Variants in GREB1L observed in about 807,000 individuals in gnomAD.
GREB1L encodes GREB1 like retinoic acid receptor coactivator.
A neutral mutation model predicts 200.8 loss-of-function variants in GREB1L; 17 were observed. The observed-to-expected ratio is 0.08, with a 90% CI of 0.06 to 0.13. The LOEUF (loss-of-function observed/expected upper bound fraction) is 0.13. Among genes scored for constraint, GREB1L ranks in the 10% least tolerant of loss-of-function variants. The probability of loss-of-function intolerance (pLI) is 1.00; values close to 1 mark genes in which losing one functional copy is unlikely to be tolerated. For synonymous variants in GREB1L, 789 were observed against 893.0 expected, an observed-to-expected ratio of 0.88 and a Z score of 2.08; for missense variants, 1,657 against 2,367.7, an observed-to-expected ratio of 0.70 and a Z score of 6.23.
At chr18:21,420,950 C>T (rs1280918750) in intron 7 of GREB1L, among the ~76,000 whole-genome samples, 1 of 151,938 alleles carries the variant, frequency 6.6e-6, no homozygotes. Flanking sequence ...TTCTTGATAC[C>T]CATGACAATG....
chr18:21,445,540 A>T (rs7235880), intron 11 of GREB1L, among the ~76,000 whole-genome samples: 49,582 of 152,152 alleles, frequency 0.33, 11,146 homozygotes, highest in African/African-American at 0.6. Context: ...TAAAAATATT[A>T]GTATGCACTC....
chr18:21,344,848 A>T (rs1435453126), intron 1 of GREB1L, among the ~76,000 whole-genome samples: 2 of 152,218 alleles, frequency 1.3e-5, no homozygotes, highest in African/African-American at 4.8e-5. Flanking sequence ...TGAGTTGGTG[A>T]TCGCTACTGG....
rs528233620 is a variant in GREB1L, at chr18:21,246,831, A to G, written c.-120+4438A>G. ...GAGCTGATTTGTGGTTAGTATTGTG[A>G]TCACAGTTTGCTGGAATTTTACTAG... On this transcript the variant is annotated intron_variant, in intron 1 of 32. Coordinates refer to ENST00000424526, the MANE Select transcript of GREB1L (RefSeq NM_001142966.3). 2.0e-5 allele frequency among the ~76,000 whole-genome samples: 3 copies of G among 152,304 alleles called. No individual in the cohort carries two copies. The South Asian group carries it at 6.2e-4, about 32-fold the overall frequency.
intron 1 of GREB1L, among the ~76,000 whole-genome samples, chr18:21,246,503 T>C (rs1327665225): frequency 6.6e-6 from 1 of 152,210 alleles, no homozygotes; most frequent in African/African-American, 2.4e-5. Flanking sequence ...TTTAGTCTTA[T>C]ACAAAGTGAG....
At chr18:21,477,047 C>A in intron 16 of GREB1L, 117 bp from the exon 17 acceptor site, 1 of 641,870 alleles carries the variant, frequency 1.6e-6, no homozygotes, top group Non-Finnish European at 2.5e-6. Flanking sequence ...TTCTTCTCTG[C>A]TCCCAATTGA....
chr18:21,262,688 T>C (rs1018883797), intron 1 of GREB1L, among the ~76,000 whole-genome samples: 1 of 152,192 alleles, frequency 6.6e-6, no homozygotes, highest in African/African-American at 2.4e-5. Context: ...GTCATTGTAA[T>C]TGTACAAAGT....
intron 1 of GREB1L, among the ~76,000 whole-genome samples, chr18:21,348,795 A>G (rs1471915102): frequency 6.6e-6 from 1 of 152,120 alleles, no homozygotes; most frequent in East Asian, 1.9e-4. Flanking sequence ...AAAATTAAAA[A>G]TCAGCCAGCC....
At chr18:21,407,751 T>C (rs1188551197) in intron 7 of GREB1L, among the ~76,000 whole-genome samples, 2 of 152,214 alleles carry the variant, frequency 1.3e-5, no homozygotes, top group African/African-American at 4.8e-5. Context: ...AAAGAAAATA[T>C]GGTATATATA....
intron 1 of GREB1L, among the ~76,000 whole-genome samples, chr18:21,290,269 A>G (rs543946242): frequency 1.3e-5 from 2 of 152,336 alleles, no homozygotes; most frequent in Non-Finnish European, 1.5e-5. Flanking sequence ...TGGTAGTACC[A>G]TATTCCTTTT....
At chr18:21,425,463 TGA>T (rs1467120993) in intron 7 of GREB1L, among the ~76,000 whole-genome samples, 3 of 152,248 alleles carry the variant, frequency 2.0e-5, no homozygotes, top group Non-Finnish European at 4.4e-5. Flanking sequence ...TAAAATCATT[TGA>T]GAACTGTTTT....
intron 2 of GREB1L, among the ~76,000 whole-genome samples, chr18:21,373,608 CCAGGCCGT>C (rs1278106503): frequency 6.6e-6 from 1 of 152,054 alleles, no homozygotes; most frequent in African/African-American, 2.4e-5. Flanking sequence ...TGCTGGGATT[CCAGGCCGT>C]GAGCCACTGT....
At chr18:21,342,642 C>T (rs541377907) in intron 1 of GREB1L, among the ~76,000 whole-genome samples, 1 of 152,192 alleles carries the variant, frequency 6.6e-6, no homozygotes, top group Non-Finnish European at 1.5e-5. Flanking sequence ...GTGATTTGTT[C>T]TCCTAGGCTC....
At chr18:21,320,118 C>T (rs2038929368) in intron 1 of GREB1L, among the ~76,000 whole-genome samples, 1 of 152,176 alleles carries the variant, frequency 6.6e-6, no homozygotes, top group Non-Finnish European at 1.5e-5. Context: ...CTCAGTTCTA[C>T]ATGAATCTGC....
intron 1 of GREB1L, among the ~76,000 whole-genome samples, chr18:21,279,222 G>C (rs1218264537): frequency 6.6e-6 from 1 of 151,730 alleles, no homozygotes; most frequent in Non-Finnish European, 1.5e-5. Context: ...TTGCAGAAAC[G>C]TTTATTTTCA....
intron 2 of GREB1L, among the ~76,000 whole-genome samples, chr18:21,378,467 G>A (rs1319716873): frequency 2.6e-5 from 4 of 151,754 alleles, no homozygotes; most frequent in African/African-American, 9.7e-5. Flanking sequence ...GGCTCACTGC[G>A]ACCTCAGGAG....
At chr18:21,453,273 A>C (rs1218181901) in intron 14 of GREB1L, among the ~76,000 whole-genome samples, 19 of 152,182 alleles carry the variant, frequency 1.2e-4, no homozygotes, top group Non-Finnish European at 2.4e-4. Context: ...TTAAAGTTGC[A>C]GGTTTGGGCT....
At chr18:21,347,551 A>C (rs1296307683) in intron 1 of GREB1L, among the ~76,000 whole-genome samples, 2 of 149,810 alleles carry the variant, frequency 1.3e-5, no homozygotes, top group Non-Finnish European at 3.0e-5. Flanking sequence ...CACCTCCTAG[A>C]TTCAAACAAT....
At chr18:21,307,379 T>C (rs746227282) in intron 1 of GREB1L, among the ~76,000 whole-genome samples, 29 of 152,218 alleles carry the variant, frequency 1.9e-4, no homozygotes, top group Non-Finnish European at 2.2e-4. Context: ...TTCTCTGTTA[T>C]TTGAATATAA....
chr18:21,397,760 A>G (rs1487662667), intron 5 of GREB1L, among the ~76,000 whole-genome samples: 2 of 152,176 alleles, frequency 1.3e-5, no homozygotes, highest in South Asian at 2.1e-4. Context: ...TTTAATATAG[A>G]AGTCTAATGA....
Sources: allele counts gnomAD v4.1 joint callset (sites outside exome capture counted in the v4.1 genomes callset), GRCh38; gene constraint gnomAD v4.1.1; transcripts MANE v1.5; gene names NCBI Gene and HGNC (gene_info 2026-07-23, HGNC 2026-07-21).